Variants in SLC36A1 observed in about 807,000 individuals in gnomAD.
The protein encoded by SLC36A1 is proton-coupled amino acid transporter 1.
Under a neutral mutation model 47.5 loss-of-function variants are expected in SLC36A1, and 30 were observed. The ratio of observed to expected loss-of-function variants is 0.63; its 90% CI spans 0.47 to 0.86. The LOEUF (loss-of-function observed/expected upper bound fraction) is 0.86, where lower values mean the gene tolerates loss of function less well. SLC36A1 is among the 40% of genes least tolerant of loss of function. The pLI, the probability that SLC36A1 is intolerant of heterozygous loss-of-function variation, is 0.00. For synonymous variants in SLC36A1, 255 were observed against 249.7 expected, an observed-to-expected ratio of 1.02 and a Z score of -0.20; for missense variants, 517 against 606.0, an observed-to-expected ratio of 0.85 and a Z score of 1.54.
At chr5:151,352,162 C>T in the SLC36A1 span, among the ~76,000 whole-genome samples, 1 of 152,134 alleles carries the variant, frequency 6.6e-6, no homozygotes, top group Non-Finnish European at 1.5e-5. Context: ...CAACAACCTC[C>T]CTTGACAACT....
the SLC36A1 span, among the ~76,000 whole-genome samples, chr5:151,419,325 G>A: frequency 1.3e-5 from 2 of 152,020 alleles, no homozygotes; most frequent in Non-Finnish European, 2.9e-5. Context: ...CTGTCTTTAG[G>A]GCCTGATTTC....
chr5:151,354,555 C>T, the SLC36A1 span, among the ~76,000 whole-genome samples: 1,056 of 152,246 alleles, frequency 6.9e-3, 7 homozygotes, highest in Middle Eastern at 0.014. Flanking sequence ...AGTCCAACCT[C>T]CTCATTTTAT....
At chr5:151,369,491 C>T in the SLC36A1 span, among the ~76,000 whole-genome samples, 348 of 152,294 alleles carry the variant, frequency 2.3e-3, 1 homozygote, top group African/African-American at 8.1e-3. Context: ...AAAAACTAAA[C>T]CTGTTCCCAC....
At chr5:151,347,856 G>A in the SLC36A1 span, among the ~76,000 whole-genome samples, 29 of 152,160 alleles carry the variant, frequency 1.9e-4, no homozygotes, top group African/African-American at 6.5e-4. Flanking sequence ...TATCAATTAA[G>A]TAAGGAGAAA....
At chr5:151,391,769 A>T in the SLC36A1 span, among the ~76,000 whole-genome samples, 2 of 152,166 alleles carry the variant, frequency 1.3e-5, no homozygotes, top group East Asian at 3.8e-4. Context: ...ATCATGGTGG[A>T]TAAGCTTTTT....
chr5:151,361,533 A>G, the SLC36A1 span, among the ~76,000 whole-genome samples: 1 of 152,216 alleles, frequency 6.6e-6, no homozygotes, highest in African/African-American at 2.4e-5. Context: ...TTGTTAACAT[A>G]AGTGCTTGTT....
upstream of SLC36A1, among the ~76,000 whole-genome samples, chr5:151,445,641 T>A (rs753445601): frequency 2.0e-5 from 3 of 152,242 alleles, no homozygotes; most frequent in Non-Finnish European, 4.4e-5. Context: ...AGTCAGATAG[T>A]CCCTGTCTCA....
At chr5:151,348,578 T>C in the SLC36A1 span, among the ~76,000 whole-genome samples, 1 of 152,242 alleles carries the variant, frequency 6.6e-6, no homozygotes, top group Non-Finnish European at 1.5e-5. Context: ...ATGGGGCTCT[T>C]TCCAAGGTCC....
At chr5:151,388,420 G>C in the SLC36A1 span, among the ~76,000 whole-genome samples, 1 of 148,180 alleles carries the variant, frequency 6.7e-6, no homozygotes, top group African/African-American at 2.5e-5. Flanking sequence ...AGAATCGCTT[G>C]AATCTGGGAG....
At chr5:151,347,538 T>G in the SLC36A1 span, 11 of 1,554,310 alleles carry the variant, frequency 7.1e-6, no homozygotes, top group Middle Eastern at 2.3e-4. Flanking sequence ...GTGTCTAGTG[T>G]AGATGTACAC....
chr5:151,473,419 C>T (rs919359958), intron 7 of SLC36A1, among the ~76,000 whole-genome samples: 6 of 152,080 alleles, frequency 3.9e-5, no homozygotes, highest in Non-Finnish European at 8.8e-5. Context: ...TCTTTTTATG[C>T]AAGCCCCAAC....
chr5:151,444,354 T>C (rs533805719), upstream of SLC36A1, among the ~76,000 whole-genome samples: 1 of 152,344 alleles, frequency 6.6e-6, no homozygotes, highest in South Asian at 2.1e-4. Flanking sequence ...ATCATTGTTT[T>C]ATAGTTTTCA....
chr5:151,344,768 G>C, the SLC36A1 span, among the ~76,000 whole-genome samples: 1 of 152,088 alleles, frequency 6.6e-6, no homozygotes, highest in East Asian at 1.9e-4. Flanking sequence ...TCATAACTGA[G>C]GAAATGAAGG....
At chr5:151,355,071 A>G in the SLC36A1 span, among the ~76,000 whole-genome samples, 1 of 152,056 alleles carries the variant, frequency 6.6e-6, no homozygotes, top group Non-Finnish European at 1.5e-5. Flanking sequence ...GTAACCAGCA[A>G]AAAGTCTGGC....
chr5:151,380,989 C>T, the SLC36A1 span: 4 of 387,792 alleles, frequency 1.0e-5, no homozygotes, highest in South Asian at 6.5e-5. Flanking sequence ...AACCCTATAA[C>T]AGAGGGGCCA....
chr5:151,506,517 G>T, the SLC36A1 span, among the ~76,000 whole-genome samples: 1 of 152,228 alleles, frequency 6.6e-6, no homozygotes, highest in South Asian at 2.1e-4. Context: ...GATGAAATGA[G>T]ATGTGGCTCG....
At chr5:151,372,863 A>C in the SLC36A1 span, among the ~76,000 whole-genome samples, 1 of 152,188 alleles carries the variant, frequency 6.6e-6, no homozygotes, top group East Asian at 1.9e-4. Context: ...AGAGTGAAAA[A>C]ACTAGAACAT....
chr5:151,349,153 C>T, the SLC36A1 span, among the ~76,000 whole-genome samples: 1 of 152,106 alleles, frequency 6.6e-6, no homozygotes, highest in African/African-American at 2.4e-5. Context: ...CGAGCAAGGT[C>T]AGTAATAAGA....
chr5:151,427,214 A>G, the SLC36A1 span, among the ~76,000 whole-genome samples: 1 of 152,238 alleles, frequency 6.6e-6, no homozygotes. Flanking sequence ...CCAAGCTGAA[A>G]TGAATAATTG....
Sources: gnomAD v4.1 joint callset for allele counts (sites outside exome capture counted in the v4.1 genomes callset) on GRCh38, gnomAD v4.1.1 for gene constraint, MANE v1.5 for transcripts, NCBI Gene and HGNC (gene_info 2026-07-23, HGNC 2026-07-21) for gene names.